The following LRP1B variants were observed in gnomAD, a reference collection of about 807,000 sequenced individuals.
LRP1B encodes the protein LDL receptor related protein 1B.
Under a neutral mutation model 556.6 loss-of-function variants are expected in LRP1B, and 217 were observed. That is an observed-to-expected ratio of 0.39 (90% CI 0.35 to 0.44). The LOEUF (loss-of-function observed/expected upper bound fraction) is 0.44, where lower values mean the gene tolerates loss of function less well. Ranked by LOEUF, LRP1B falls within the 20% of genes least tolerant of loss-of-function variation. The pLI is 1.00. For synonymous variants in LRP1B, 2,047 were observed against 1,865.8 expected (o/e 1.10, Z -2.50); for missense variants, 5,053 against 5,620.8 (o/e 0.90, Z 3.23).
intron 32 of LRP1B, among the ~76,000 whole-genome samples, chr2:140,808,174 C>A (rs987095144): frequency 1.9e-5 from 2 of 104,924 alleles, no homozygotes; most frequent in African/African-American, 5.9e-5. Context: ...TTTTATCTAG[C>A]AACTTGAAAG....
chr2:142,071,125 A>C (rs548644402), intron 1 of LRP1B, among the ~76,000 whole-genome samples: 253 of 151,940 alleles, frequency 1.7e-3, no homozygotes, highest in African/African-American at 5.8e-3. Context: ...ATGGGAAGGG[A>C]TGACTTCTTT....
Position 141,097,407 on chromosome 2 carries a change from G to A in LRP1B, c.1014-35134C>T, listed in dbSNP as rs531338496. On this transcript the variant is annotated intron_variant, in intron 7 of 90. Transcript: ENST00000389484. ...TTCTATTAAGCAAGTATCTGTGAAC[G>A]GATGCCACTTCAAAGAGGGGGAGTA... is the stretch of plus-strand genomic sequence containing the variant. Among the ~76,000 whole-genome samples, 89 of 152,068 alleles carry A rather than the reference G, an allele frequency of 5.9e-4. 1 individual carries two copies. Among genetic ancestry groups the A allele is most frequent in the African/African-American group, 1.9e-3 (80 of 41,478 alleles).
At chr2:140,288,922 A>G (rs1218806866) in intron 84 of LRP1B, among the ~76,000 whole-genome samples, 1 of 151,890 alleles carries the variant, frequency 6.6e-6, no homozygotes, top group African/African-American at 2.4e-5. Context: ...ACATGTCTAT[A>G]ATGCTAACAT....
At chr2:140,315,761 TACAC>T (rs1684494615) in intron 82 of LRP1B, among the ~76,000 whole-genome samples, 1 of 152,192 alleles carries the variant, frequency 6.6e-6, no homozygotes, top group African/African-American at 2.4e-5. Flanking sequence ...TGCACACACA[TACAC>T]ACACTATTTG....
chr2:141,144,296 C>A (rs891364093), intron 7 of LRP1B, among the ~76,000 whole-genome samples: 1 of 152,086 alleles, frequency 6.6e-6, no homozygotes, highest in Non-Finnish European at 1.5e-5. Flanking sequence ...ACTAACTTAT[C>A]CTACATCACA....
intron 3 of LRP1B, among the ~76,000 whole-genome samples, chr2:141,453,827 T>C (rs1359355809): frequency 1.3e-5 from 2 of 151,828 alleles, no homozygotes; most frequent in Non-Finnish European, 2.9e-5. Flanking sequence ...GGCAGGAGAA[T>C]TGCTTGAACC....
At chr2:140,661,631 C>A (rs529501865) in intron 41 of LRP1B, among the ~76,000 whole-genome samples, 1 of 152,148 alleles carries the variant, frequency 6.6e-6, no homozygotes, top group South Asian at 2.1e-4. Flanking sequence ...TGCACCACTG[C>A]ACTCCAGCCT....
At chr2:141,452,498 T>C (rs1411344870) in intron 3 of LRP1B, among the ~76,000 whole-genome samples, 1 of 152,256 alleles carries the variant, frequency 6.6e-6, no homozygotes, top group Admixed American at 6.5e-5. Flanking sequence ...TGCTGAATTC[T>C]ATACTGTTTT....
chr2:140,762,074 G>T (rs10187869), intron 35 of LRP1B, among the ~76,000 whole-genome samples: 7,232 of 151,926 alleles, frequency 0.048, 329 homozygotes, highest in African/African-American at 0.11. Flanking sequence ...GTCTAGCAGG[G>T]GCAATCCTAT....
At chr2:141,701,874 C>T (rs149168527) in intron 2 of LRP1B, among the ~76,000 whole-genome samples, 2 of 151,924 alleles carry the variant, frequency 1.3e-5, no homozygotes, top group South Asian at 2.1e-4. Flanking sequence ...ATTGTTTATA[C>T]AATTTGATGC....
intron 1 of LRP1B, among the ~76,000 whole-genome samples, chr2:141,915,298 A>G (rs1700000865): frequency 1.3e-5 from 2 of 152,232 alleles, no homozygotes; most frequent in Admixed American, 1.3e-4. Flanking sequence ...AGCCACATGA[A>G]GGAGAATGAA....
chr2:140,302,182 CTTCT>C (rs1297277875), intron 83 of LRP1B, among the ~76,000 whole-genome samples: 3 of 152,064 alleles, frequency 2.0e-5, no homozygotes, highest in Non-Finnish European at 4.4e-5. Context: ...TTCTTCCAAA[CTTCT>C]TTCTGGTGAT....
At chr2:140,990,616 C>T (rs1697065252) in intron 16 of LRP1B, among the ~76,000 whole-genome samples, 1 of 151,818 alleles carries the variant, frequency 6.6e-6, no homozygotes. Flanking sequence ...CATGCAACCA[C>T]AGAAAATACT....
intron 20 of LRP1B, among the ~76,000 whole-genome samples, chr2:140,928,312 T>C (rs538810724): frequency 6.6e-6 from 1 of 152,292 alleles, no homozygotes; most frequent in East Asian, 1.9e-4. Context: ...AATAACAGAC[T>C]GGTTATGCTG....
At chr2:140,457,783 G>C (rs1319421836) in intron 60 of LRP1B, 132 bp from the exon 61 acceptor site, 2 of 679,928 alleles carry the variant, frequency 2.9e-6, no homozygotes, top group Non-Finnish European at 4.9e-6. Context: ...AACCTGTCAG[G>C]CCAGCAAAGT....
chr2:141,365,655 C>CTTTTTTTTTTTTTTTGGTTTT (rs1334896367), intron 3 of LRP1B, among the ~76,000 whole-genome samples: 2 of 121,136 alleles, frequency 1.7e-5, no homozygotes, highest in South Asian at 2.6e-4. Flanking sequence ...GTTTTTGTTG[C>CTTTTTTTTTTTTTTTGGTTTT]TTTTTTTTTT....
intron 47 of LRP1B, among the ~76,000 whole-genome samples, chr2:140,532,581 G>A (rs776076227): frequency 7.2e-5 from 11 of 151,732 alleles, no homozygotes; most frequent in African/African-American, 1.7e-4. Context: ...ATTTTTAGTC[G>A]AGATGGGGTT....
rs1692052028 is a variant in LRP1B, at chr2:140,840,078, A to G, written c.5122T>C (p.Tyr1708His). The G allele has an allele frequency of 6.3e-7, 1 of 1,598,444 alleles. No individual in the cohort carries two copies. Among genetic ancestry groups the G allele is most frequent in the Admixed American group, 1.7e-5 (1 of 57,430 alleles). ...LAAHPVRGKL[Y>H]WTDGNTINMA... ...TTAATTGTGTTTCCATCGGTCCAGTAGAGTTTTCTTAATTCAAAAGACATA... is the reference window on the plus strand; with the variant it reads ...TTAATTGTGTTTCCATCGGTCCAGTGGAGTTTTCTTAATTCAAAAGACATA... Residue 1708 changes from tyrosine to histidine, a missense_variant, in exon 31 of 91, where the codon TAC (tyrosine) becomes CAC (histidine). Tyr to His is a moderately conservative substitution (Grantham distance 83). Transcript: ENST00000389484.
chr2:140,617,521 G>T (rs1005369330), intron 41 of LRP1B, among the ~76,000 whole-genome samples: 2 of 151,846 alleles, frequency 1.3e-5, no homozygotes, highest in Non-Finnish European at 2.9e-5. Context: ...TGATGCTAGG[G>T]ATATTTCTTT....
Sources: allele counts gnomAD v4.1 joint callset (sites outside exome capture counted in the v4.1 genomes callset), GRCh38; gene constraint gnomAD v4.1.1; transcripts MANE v1.5; gene names NCBI Gene and HGNC (gene_info 2026-07-23, HGNC 2026-07-21).